Variants in MGMT observed in about 807,000 individuals in gnomAD.
MGMT encodes the protein O-6-methylguanine-DNA methyltransferase.
Under a neutral mutation model 15.9 loss-of-function variants are expected in MGMT, and 14 were observed. That is an observed-to-expected ratio of 0.88 (90% CI 0.58 to 1.37). The LOEUF is 1.37. Ranked by LOEUF, MGMT falls within the 40% of genes most tolerant of loss-of-function variation. The pLI is 0.00. For synonymous variants in MGMT, 130 were observed against 118.2 expected (o/e 1.10, Z -0.65); for missense variants, 282 against 268.1 (o/e 1.05, Z -0.36).
chr10:129,630,431 C>G (rs571556954), intron 2 of MGMT, among the ~76,000 whole-genome samples: 17 of 152,334 alleles, frequency 1.1e-4, no homozygotes, highest in African/African-American at 4.1e-4. Context: ...GATATTAACC[C>G]TTCCTTTGAA....
chr10:129,746,488 T>C (rs1564783485), intron 3 of MGMT, among the ~76,000 whole-genome samples: 2 of 152,124 alleles, frequency 1.3e-5, no homozygotes, highest in African/African-American at 4.8e-5. Flanking sequence ...GTTAATTTGT[T>C]TAAGTAAGTC....
chr10:129,721,556 A>T (rs1848371501), intron 3 of MGMT, among the ~76,000 whole-genome samples: 1 of 152,248 alleles, frequency 6.6e-6, no homozygotes, highest in Non-Finnish European at 1.5e-5. Flanking sequence ...GTTCATGATA[A>T]AGTTAATAAA....
intron 2 of MGMT, among the ~76,000 whole-genome samples, chr10:129,608,012 A>T (rs1369148324): frequency 1.3e-5 from 2 of 152,198 alleles, no homozygotes; most frequent in South Asian, 4.1e-4. Context: ...AATGGAATAT[A>T]TCAGTGCATG....
At chr10:129,620,305 T>C (rs560402618) in intron 2 of MGMT, among the ~76,000 whole-genome samples, 1 of 152,386 alleles carries the variant, frequency 6.6e-6, no homozygotes, top group Admixed American at 6.5e-5. Flanking sequence ...TGCGAGAATA[T>C]ACCCTGCCAT....
chr10:129,586,302 C>G (rs1164910630), intron 2 of MGMT, among the ~76,000 whole-genome samples: 1 of 152,066 alleles, frequency 6.6e-6, no homozygotes, highest in African/African-American at 2.4e-5. Context: ...CTCATCACCC[C>G]CAAAGTTTCC....
chr10:129,735,062 G>T (rs966381665), intron 3 of MGMT, among the ~76,000 whole-genome samples: 6 of 152,148 alleles, frequency 3.9e-5, no homozygotes, highest in African/African-American at 1.4e-4. Flanking sequence ...GTATCAGGAT[G>T]ATGCTGGCCT....
At chr10:129,708,090 T>C in intron 3 of MGMT, 47 bp downstream of exon 3, 1 of 1,567,746 alleles carries the variant, frequency 6.4e-7, no homozygotes. Flanking sequence ...GAGCTTGACT[T>C]ATTAACGATC....
chr10:129,606,084 G>GTATTCAT (rs1482628475), intron 2 of MGMT, among the ~76,000 whole-genome samples: 3 of 152,160 alleles, frequency 2.0e-5, no homozygotes, highest in Non-Finnish European at 4.4e-5. Context: ...AAACAACGTA[G>GTATTCAT]TATTCATAAC....
intron 1 of MGMT, among the ~76,000 whole-genome samples, chr10:129,468,096 A>C (rs1056103087): frequency 3.3e-5 from 5 of 152,224 alleles, no homozygotes; most frequent in African/African-American, 1.2e-4. Context: ...TGTTAAGCAC[A>C]GAGAGCTGAG....
chr10:129,750,569 C>T (rs1015132766), intron 3 of MGMT, among the ~76,000 whole-genome samples: 1 of 152,060 alleles, frequency 6.6e-6, no homozygotes, highest in African/African-American at 2.4e-5. Context: ...CTCAACAATA[C>T]AGTATAACAG....
At chr10:129,731,477 C>T (rs929390259) in intron 3 of MGMT, among the ~76,000 whole-genome samples, 1 of 150,956 alleles carries the variant, frequency 6.6e-6, no homozygotes, top group African/African-American at 2.4e-5. Flanking sequence ...ATTCTTCTGC[C>T]TCAGCTTCAT....
At chr10:129,540,634 G>C (rs1400450112) in intron 2 of MGMT, among the ~76,000 whole-genome samples, 1 of 152,204 alleles carries the variant, frequency 6.6e-6, no homozygotes, top group African/African-American at 2.4e-5. Context: ...TTTAAACCAG[G>C]TGTATACTTT....
chr10:129,497,815 T>A (rs1055104005), intron 1 of MGMT, among the ~76,000 whole-genome samples: 2 of 152,170 alleles, frequency 1.3e-5, no homozygotes, highest in Non-Finnish European at 2.9e-5. Context: ...GAGCTCACTG[T>A]CCTCTTCCAC....
intron 2 of MGMT, among the ~76,000 whole-genome samples, chr10:129,600,740 T>C (rs1846811795): frequency 6.6e-6 from 1 of 152,234 alleles, no homozygotes; most frequent in South Asian, 2.1e-4. Context: ...GAATTGGCTA[T>C]GACCTGCCGA....
At chr10:129,714,036 T>G (rs1848264050) in intron 3 of MGMT, among the ~76,000 whole-genome samples, 1 of 152,228 alleles carries the variant, frequency 6.6e-6, no homozygotes, top group Non-Finnish European at 1.5e-5. Flanking sequence ...TAATCCAGAA[T>G]GCTGTTGAGA....
intron 2 of MGMT, among the ~76,000 whole-genome samples, chr10:129,634,944 C>T (rs1847248943): frequency 1.3e-5 from 2 of 152,122 alleles, no homozygotes; most frequent in Admixed American, 1.3e-4. Context: ...GATAGATTTC[C>T]TTGAGCTTTG....
intron 2 of MGMT, among the ~76,000 whole-genome samples, chr10:129,679,527 T>C (rs934594219): frequency 2.6e-5 from 4 of 152,210 alleles, no homozygotes; most frequent in Non-Finnish European, 4.4e-5. Context: ...ATGTATGTAA[T>C]TAAGAATATT....
intron 1 of MGMT, among the ~76,000 whole-genome samples, chr10:129,518,325 GATACACACACATACACAC>G (rs1427004122): frequency 1.1e-5 from 1 of 88,112 alleles, no homozygotes; most frequent in African/African-American, 4.5e-5. Flanking sequence ...TGTGTGTACA[GATACACACACATACACAC>G]ACACACACAC....
intron 2 of MGMT, among the ~76,000 whole-genome samples, chr10:129,544,291 C>T (rs1425363987): frequency 1.3e-5 from 2 of 152,204 alleles, no homozygotes; most frequent in Non-Finnish European, 2.9e-5. Context: ...TGGCAGCCAC[C>T]GGATAGGCAC....
Sources: gnomAD v4.1 joint callset for allele counts (sites outside exome capture counted in the v4.1 genomes callset) on GRCh38, gnomAD v4.1.1 for gene constraint, MANE v1.5 for transcripts, NCBI Gene and HGNC (gene_info 2026-07-23, HGNC 2026-07-21) for gene names.